Variants in BPIFB6 observed in about 807,000 individuals in gnomAD.
BPIFB6 encodes BPI fold containing family B member 6.
BPIFB6 carries 47 observed loss-of-function variants against 54.7 expected under a neutral mutation model. The ratio of observed to expected loss-of-function variants is 0.86; its 90% CI spans 0.68 to 1.10. The LOEUF (loss-of-function observed/expected upper bound fraction) is 1.10. BPIFB6 is among the 50% of genes least tolerant of loss of function. The pLI is 0.00. For synonymous variants in BPIFB6, 255 were observed against 225.9 expected (o/e 1.13, Z -1.16); for missense variants, 603 against 564.1 (o/e 1.07, Z -0.70).
chr20:33,043,844 G>A (rs1457661625), intron 14 of BPIFB6, among the ~76,000 whole-genome samples, 171 bp from the exon 15 acceptor site: 2 of 152,150 alleles, frequency 1.3e-5, no homozygotes, highest in Non-Finnish European at 2.9e-5. Context: ...TGAGAAAATT[G>A]AGGGTAAGAG....
intron 13 of BPIFB6, 28 bp from the exon 14 acceptor site, chr20:33,043,263 C>A (rs566210716): frequency 1.6e-5 from 26 of 1,603,466 alleles, no homozygotes; most frequent in Non-Finnish European, 2.2e-5. Context: ...AGCAGTCAGG[C>A]TGATATGACT....
intron 5 of BPIFB6, 76 bp downstream of exon 5, chr20:33,035,220 T>A: frequency 2.1e-6 from 3 of 1,456,830 alleles, no homozygotes; most frequent in Non-Finnish European, 2.9e-6. Context: ...GCATTTCATG[T>A]TGGGTGCTGA....
chr20:33,034,784 G>A lies in BPIFB6; in HGVS notation c.324G>A (p.Glu108=). The A allele has an allele frequency of 6.2e-7, 1 of 1,611,972 alleles. No homozygotes were observed. Among genetic ancestry groups the A allele is most frequent in the South Asian group, 1.1e-5 (1 of 90,942 alleles). The change falls in exon 4 of 15, where the codon GAG becomes GAA. Residue 108 remains glutamate (E), a synonymous_variant. Transcript: ENST00000349552. ...CCAGCTTCATGGGAGGGAACATGGAGATCATCGTGGCCCTGAACATCACAG... is the reference window on the plus strand; with the variant it reads ...CCAGCTTCATGGGAGGGAACATGGAAATCATCGTGGCCCTGAACATCACAG... ...TGKSFMGGNM[E]IIVALNITAT...
chr20:33,034,618 C>A, intron 3 of BPIFB6, 145 bp from the exon 4 acceptor site: 1 of 895,250 alleles, frequency 1.1e-6, no homozygotes, highest in East Asian at 2.4e-5. Context: ...TCACCTGGGG[C>A]AGGTCCCATC....
downstream of BPIFB6, chr20:33,044,098 C>T: frequency 1.2e-6 from 2 of 1,609,584 alleles, no homozygotes; most frequent in Non-Finnish European, 1.7e-6. Context: ...ACCACCTGCA[C>T]CCCATGGAGG....
intron 2 of BPIFB6, among the ~76,000 whole-genome samples, chr20:33,033,822 C>A (rs1234982372): frequency 6.6e-6 from 1 of 152,108 alleles, no homozygotes; most frequent in Non-Finnish European, 1.5e-5. Flanking sequence ...AGCCTCATGA[C>A]AAAGAATTAT....
At chr20:33,041,037 T>G (rs1374034525) in intron 11 of BPIFB6, among the ~76,000 whole-genome samples, 1 of 148,162 alleles carries the variant, frequency 6.7e-6, no homozygotes, top group African/African-American at 2.5e-5. Flanking sequence ...TTGCCCAGGC[T>G]GGAGTGCAGT....
At chr20:33,037,425 T>A in intron 7 of BPIFB6, 137 bp from the exon 8 acceptor site, 1 of 829,982 alleles carries the variant, frequency 1.2e-6, no homozygotes. Flanking sequence ...TGTAGCCCAT[T>A]GTGGTTCTCT....
intron 11 of BPIFB6, among the ~76,000 whole-genome samples, chr20:33,040,631 C>A (rs891959861): frequency 3.9e-5 from 6 of 152,244 alleles, no homozygotes; most frequent in African/African-American, 1.2e-4. Context: ...TTTACCCATG[C>A]CATTCACCTG....
intron 7 of BPIFB6, 33 bp downstream of exon 7, chr20:33,036,569 C>T: frequency 6.4e-7 from 1 of 1,557,486 alleles, no homozygotes; most frequent in Non-Finnish European, 8.9e-7. Flanking sequence ...GAGCTGGGGT[C>T]TCAGGCTCAC....
At chr20:33,036,793 G>T (rs1363660793) in intron 7 of BPIFB6, among the ~76,000 whole-genome samples, 2 of 152,198 alleles carry the variant, frequency 1.3e-5, no homozygotes, top group East Asian at 1.9e-4. Context: ...TAGGCTGTTT[G>T]CTTCTCCTAG....
chr20:33,033,007 A>G lies in BPIFB6; in HGVS notation c.121A>G (p.Ser41Gly), dbSNP rs766540525. 5.6e-6 allele frequency: 9 copies of G among 1,613,838 alleles called. No individual in the cohort carries two copies. The East Asian group carries it at 2.0e-4, about 36-fold the overall frequency. ...MNQVQSAMDESHILEKMAAEA... is the reference protein window; with the variant it reads ...MNQVQSAMDEGHILEKMAAEA... ...AGAGGTCCAGAGCGCCATGGATGAG[A>G]GTCATATCCTGGAGAAGATGGCAGC... Residue 41 changes from serine (S) to glycine (G), a missense_variant, in exon 2 of 15, where the codon AGT becomes GGT. Ser to Gly is a moderately conservative substitution (Grantham distance 56). Coordinates refer to ENST00000349552, the MANE Select transcript of BPIFB6 (RefSeq NM_174897.2).
intron 10 of BPIFB6, among the ~76,000 whole-genome samples, chr20:33,039,917 T>A (rs1979505994): frequency 6.6e-6 from 1 of 151,852 alleles, no homozygotes; most frequent in African/African-American, 2.4e-5. Context: ...GGACAGAGAG[T>A]CTTACCAGGG....
chr20:33,039,014 C>T (rs1370411878), intron 9 of BPIFB6, 52 bp downstream of exon 9: 2 of 1,585,736 alleles, frequency 1.3e-6, no homozygotes, highest in African/African-American at 1.3e-5. Flanking sequence ...CCCTATTGTC[C>T]TCCAGTCTGT....
intron 14 of BPIFB6, 64 bp downstream of exon 14, chr20:33,043,431 G>A (rs1356037911): frequency 6.8e-7 from 1 of 1,462,848 alleles, no homozygotes; most frequent in Non-Finnish European, 9.6e-7. Flanking sequence ...TGATGAGCAA[G>A]AGCCTACCTC....
intron 11 of BPIFB6, among the ~76,000 whole-genome samples, chr20:33,041,126 A>C (rs912724896): frequency 2.0e-5 from 3 of 151,900 alleles, no homozygotes; most frequent in Admixed American, 6.6e-5. Context: ...AGTAGCTGAG[A>C]CTACAGGCGC....
At chr20:33,043,758 C>T (rs776335300) in intron 14 of BPIFB6, among the ~76,000 whole-genome samples, 1 of 152,160 alleles carries the variant, frequency 6.6e-6, no homozygotes, top group Admixed American at 6.5e-5. Flanking sequence ...CTTTGAGCTT[C>T]GAGTGGTAAA....
intron 11 of BPIFB6, among the ~76,000 whole-genome samples, chr20:33,041,051 G>T (rs1047411201): frequency 1.4e-5 from 2 of 147,044 alleles, no homozygotes; most frequent in African/African-American, 5.2e-5. Flanking sequence ...GTGCAGTGGC[G>T]CAATCTCGGC....
Position 33,034,176 on chromosome 20 carries a change from C to G in BPIFB6, c.198-10C>G. On this transcript the variant is annotated splice_polypyrimidine_tract_variant and intron_variant, in intron 2 of 14. Coordinates refer to ENST00000349552, the MANE Select transcript of BPIFB6 (RefSeq NM_174897.2). ...AGATCTTATTGGTGTGGCTGCCTGTCCCTTCCCAGTTTGAAGGTGAAGGAT... is the reference window on the plus strand; with the variant it reads ...AGATCTTATTGGTGTGGCTGCCTGTGCCTTCCCAGTTTGAAGGTGAAGGAT... 1 of 1,601,490 alleles carries G rather than the reference C, an allele frequency of 6.2e-7. No homozygotes were observed. The highest frequency in any genetic ancestry group is 8.6e-7 in the Non-Finnish European group (1 of 1,168,442).
Sources: gnomAD v4.1 joint callset for allele counts (sites outside exome capture counted in the v4.1 genomes callset) on GRCh38, gnomAD v4.1.1 for gene constraint, MANE v1.5 for transcripts, NCBI Gene and HGNC (gene_info 2026-07-23, HGNC 2026-07-21) for gene names.